The following OR51B5 variants were observed in gnomAD, a reference collection of about 807,000 sequenced individuals.
The protein encoded by OR51B5 is olfactory receptor 51B5.
For missense variants in OR51B5, 456 were observed against 374.6 expected (o/e 1.22, Z -1.79); for synonymous variants, 186 against 144.8 (o/e 1.28, Z -2.04).
intron 1 of OR51B5, among the ~76,000 whole-genome samples, chr11:5,379,296 C>T (rs1206304878): frequency 6.6e-6 from 1 of 151,974 alleles, no homozygotes; most frequent in Non-Finnish European, 1.5e-5. Context: ...GAACATCACA[C>T]TCTGGGGACT....
chr11:5,422,779 C>T, intron 1 of OR51B5: 1 of 1,614,148 alleles, frequency 6.2e-7, no homozygotes, highest in Non-Finnish European at 8.5e-7. Flanking sequence ...TCTGTGCTGA[C>T]ATCAGGCTCA....
intron 1 of OR51B5, among the ~76,000 whole-genome samples, chr11:5,353,668 G>C (rs143768576): frequency 6.6e-6 from 1 of 152,180 alleles, no homozygotes; most frequent in Non-Finnish European, 1.5e-5. Context: ...TTAAAAGAAA[G>C]ATATTCTTTT....
intron 1 of OR51B5, among the ~76,000 whole-genome samples, chr11:5,445,017 C>T (rs1170048957): frequency 6.6e-6 from 1 of 152,108 alleles, no homozygotes; most frequent in Non-Finnish European, 1.5e-5. Flanking sequence ...ATTCACATTG[C>T]CTCATTCAAA....
At chr11:5,396,044 CT>C (rs1418113203) in intron 1 of OR51B5, among the ~76,000 whole-genome samples, 1 of 152,130 alleles carries the variant, frequency 6.6e-6, no homozygotes, top group African/African-American at 2.4e-5. Context: ...TAATCAGATA[CT>C]TTGCACAATC....
downstream of OR51B5, among the ~76,000 whole-genome samples, chr11:5,342,255 T>C (rs1457519407): frequency 6.6e-6 from 1 of 152,220 alleles, no homozygotes; most frequent in Non-Finnish European, 1.5e-5. Flanking sequence ...TTTATGATTC[T>C]GTTCCTATCT....
chr11:5,378,482 G>A (rs1196923723), intron 1 of OR51B5, among the ~76,000 whole-genome samples: 1 of 152,188 alleles, frequency 6.6e-6, no homozygotes, highest in Non-Finnish European at 1.5e-5. Context: ...AAACTAAAGA[G>A]CTTCTGCACA....
At chr11:5,359,783 T>A (rs1849252893) in intron 1 of OR51B5, among the ~76,000 whole-genome samples, 1 of 151,732 alleles carries the variant, frequency 6.6e-6, no homozygotes. Context: ...ATGGTACTGG[T>A]ACCAAAACAG....
chr11:5,441,095 G>T, intron 1 of OR51B5: 2 of 1,614,012 alleles, frequency 1.2e-6, no homozygotes, highest in South Asian at 1.1e-5. Flanking sequence ...ATATACGGTT[G>T]TGAGTGAGCA....
At chr11:5,475,211 T>C (rs898309578) in intron 1 of OR51B5, among the ~76,000 whole-genome samples, 1 of 152,184 alleles carries the variant, frequency 6.6e-6, no homozygotes, top group Non-Finnish European at 1.5e-5. Context: ...ATTACATCAA[T>C]ATTAAGTCAA....
In OR51B5 at chr11:5,496,702, T is replaced by C. The variant is rs1590030343; in HGVS notation, n.84+8867A>G. Among the ~76,000 whole-genome samples the C allele has an allele frequency of 1.3e-5, 2 of 152,294 alleles. 1 individual carries two copies. Among genetic ancestry groups the C allele is most frequent in the Non-Finnish European group, 2.9e-5 (2 of 68,014 alleles). ...TTGAGTGATTATAATTTGAGGAATA[T>C]CCCCTGACACTAGAAGTGGAGTTTC... is the stretch of plus-strand genomic sequence containing the variant. On this transcript the variant is annotated intron_variant and non_coding_transcript_variant, in intron 1 of 4. Transcript: ENST00000415970.
At chr11:5,452,650 C>A (rs1255808079) in intron 1 of OR51B5, among the ~76,000 whole-genome samples, 2 of 149,128 alleles carry the variant, frequency 1.3e-5, no homozygotes, top group African/African-American at 4.9e-5. Context: ...TATGAATGAG[C>A]TTTCTTACTA....
chr11:5,401,236 C>A (rs2133740705), intron 1 of OR51B5, among the ~76,000 whole-genome samples: 1 of 152,302 alleles, frequency 6.6e-6, no homozygotes, highest in African/African-American at 2.4e-5. Context: ...AGCAGTGTGT[C>A]TGAGCTAGAA....
chr11:5,409,498 A>C (rs1850110671), intron 1 of OR51B5, among the ~76,000 whole-genome samples: 1 of 85,252 alleles, frequency 1.2e-5, no homozygotes, highest in Non-Finnish European at 2.8e-5. Context: ...TTCAATGCAA[A>C]TTCTAGAACT....
intron 1 of OR51B5, among the ~76,000 whole-genome samples, chr11:5,487,991 T>C (rs1851521242): frequency 8.0e-6 from 1 of 124,650 alleles, no homozygotes; most frequent in Non-Finnish European, 1.7e-5. Flanking sequence ...ATTTGGTGTA[T>C]ATTTGGCACA....
chr11:5,376,131 T>G (rs1849524470), intron 1 of OR51B5, among the ~76,000 whole-genome samples: 1 of 151,870 alleles, frequency 6.6e-6, no homozygotes, highest in South Asian at 2.1e-4. Context: ...CACAGTGCAA[T>G]CAAACTAGAA....
intron 1 of OR51B5, among the ~76,000 whole-genome samples, chr11:5,406,149 T>C (rs1014476166): frequency 6.6e-6 from 1 of 152,194 alleles, no homozygotes; most frequent in African/African-American, 2.4e-5. Context: ...CTTTCTGAGA[T>C]TGCATAGTGA....
intron 1 of OR51B5, among the ~76,000 whole-genome samples, chr11:5,465,231 G>A (rs1247291789): frequency 3.1e-4 from 26 of 83,548 alleles, no homozygotes; most frequent in Non-Finnish European, 5.1e-4. Flanking sequence ...AAAAAAAAAA[G>A]TGTTCCTATT....
intron 1 of OR51B5, chr11:5,453,185 A>C (rs1564818077): frequency 1.9e-5 from 4 of 215,718 alleles, no homozygotes; most frequent in Non-Finnish European, 1.8e-5. Context: ...GTAGAAATGT[A>C]GTTTAAACAT....
intron 1 of OR51B5, among the ~76,000 whole-genome samples, chr11:5,502,857 C>T (rs1278663867): frequency 6.6e-6 from 1 of 152,190 alleles, no homozygotes; most frequent in African/African-American, 2.4e-5. Flanking sequence ...TATGTCATTG[C>T]CACTATATTT....
Sources: allele counts gnomAD v4.1 joint callset (sites outside exome capture counted in the v4.1 genomes callset), GRCh38; gene constraint gnomAD v4.1.1; transcripts MANE v1.5; gene names NCBI Gene and HGNC (gene_info 2026-07-23, HGNC 2026-07-21).